Variants in ZNF492 observed in about 807,000 individuals in gnomAD.
ZNF492 encodes the protein zinc finger protein 492, also known as zinc finger protein 115 (Y20).
Under a neutral mutation model 6.4 loss-of-function variants are expected in ZNF492, and 3 were observed. The observed-to-expected ratio is 0.47, with a 90% CI of 0.21 to 1.22. ZNF492 has a LOEUF of 1.22. ZNF492 is among the 50% of genes most tolerant of loss of function. The pLI, the probability that ZNF492 is intolerant of heterozygous loss-of-function variation, is 0.22. For missense variants in ZNF492, 356 were observed against 612.5 expected (o/e 0.58, Z 4.42); for synonymous variants, 112 against 205.3 (o/e 0.55, Z 3.89).
chr19:22,649,627 T>A (rs534032422), intron 1 of ZNF492, among the ~76,000 whole-genome samples: 1 of 152,244 alleles, frequency 6.6e-6, no homozygotes, highest in East Asian at 1.9e-4. Flanking sequence ...TGTTCATTCT[T>A]GTTCATTCTT....
At chr19:22,655,949 C>T (rs4881752) in intron 3 of ZNF492, among the ~76,000 whole-genome samples, 19,372 of 140,668 alleles carry the variant, frequency 0.14, 917 homozygotes, top group South Asian at 0.16. Context: ...CTCTGCCTCC[C>T]GAGTAGCTGG....
chr19:22,662,785 G>T (rs1043585102), intron 3 of ZNF492, among the ~76,000 whole-genome samples: 15 of 151,220 alleles, frequency 9.9e-5, no homozygotes, highest in African/African-American at 3.6e-4. Context: ...GGGGTTGTTA[G>T]TTTTTTTCTT....
rs1972116630 is a variant in ZNF492 at position 22,665,583 on chromosome 19, A to G, written c.*318A>G. The stretch of plus-strand genomic sequence containing the variant: ...GTGCTGAAGAGGATTTATTTTGAAG[A>G]CAAACATTACAAATATAAACGAAGT... On this transcript the variant is annotated 3_prime_UTR_variant, in exon 4 of 4. Coordinates refer to ENST00000456783, the MANE Select transcript of ZNF492 (RefSeq NM_020855.3). The G allele has an allele frequency of 1.8e-5, 5 of 282,792 alleles. No individual in the cohort carries two copies. In the South Asian group the frequency reaches 2.6e-4, roughly 15 times the overall value. The allele number at this position is 282,792 out of a possible 1,614,324, so 17.5% of individuals were successfully genotyped here.
intron 3 of ZNF492, among the ~76,000 whole-genome samples, chr19:22,661,560 TGTG>T (rs944600367): frequency 1.6e-4 from 25 of 152,142 alleles, no homozygotes; most frequent in African/African-American, 5.6e-4. Flanking sequence ...TCTAAAATTT[TGTG>T]TTTAGTTTTT....
At chr19:22,635,102 CT>C (rs1486582805) in intron 1 of ZNF492, among the ~76,000 whole-genome samples, 1 of 151,968 alleles carries the variant, frequency 6.6e-6, no homozygotes, top group Non-Finnish European at 1.5e-5. Flanking sequence ...GTAATCAGAG[CT>C]TACTTGGCAG....
chr19:22,660,283 G>A (rs935546252), intron 3 of ZNF492, among the ~76,000 whole-genome samples: 4 of 151,828 alleles, frequency 2.6e-5, no homozygotes, highest in Non-Finnish European at 5.9e-5. Flanking sequence ...TGATAAAGAC[G>A]GACTGTTACA....
chr19:22,654,051 C>G lies in ZNF492; in HGVS notation c.130+36C>G, dbSNP rs769178068. 11 of 1,494,898 alleles carry G rather than the reference C, an allele frequency of 7.4e-6. No homozygotes were observed. The Admixed American group carries it at 9.4e-5, about 13-fold the overall frequency. The allele number at this position is 1,494,898 out of a possible 1,614,324, so 92.6% of individuals were successfully genotyped here. The stretch of plus-strand genomic sequence containing the variant: ...GTGAAAGTGAATACAACAGATGACA[C>G]AGATGAGAGCTCCAAAGTAGAAAAA... On this transcript the variant is annotated intron_variant, in intron 3 of 3. Transcript: ENST00000456783.
intron 1 of ZNF492, among the ~76,000 whole-genome samples, chr19:22,646,965 C>T (rs1971883555): frequency 6.6e-6 from 1 of 152,094 alleles, no homozygotes; most frequent in South Asian, 2.1e-4. Flanking sequence ...TCTCGGCTCA[C>T]CGCAACCTCC....
chr19:22,660,567 T>C (rs938385687), intron 3 of ZNF492, among the ~76,000 whole-genome samples: 1 of 150,330 alleles, frequency 6.7e-6, no homozygotes, highest in African/African-American at 2.5e-5. Flanking sequence ...TTGCTAATTA[T>C]GTTTTTACAT....
At chr19:22,651,924 G>A (rs1438261623) in intron 1 of ZNF492, among the ~76,000 whole-genome samples, 1 of 152,114 alleles carries the variant, frequency 6.6e-6, no homozygotes, top group African/African-American at 2.4e-5. Context: ...AAAATTTACA[G>A]AACATGGCAG....
At chr19:22,657,579 TAC>T (rs1169128943) in intron 3 of ZNF492, among the ~76,000 whole-genome samples, 1 of 152,066 alleles carries the variant, frequency 6.6e-6, no homozygotes, top group Non-Finnish European at 1.5e-5. Context: ...AGTAAAATAT[TAC>T]AGTTATCTAC....
At chr19:22,649,230 T>A (rs1214789105) in intron 1 of ZNF492, among the ~76,000 whole-genome samples, 1 of 152,216 alleles carries the variant, frequency 6.6e-6, no homozygotes. Flanking sequence ...TCAAAATTCT[T>A]TTCTTTAAGA....
rs186644138 is a variant in ZNF492 at position 22,664,235 on chromosome 19, G to C, written c.566G>C (p.Arg189Thr). ...ACCTCAAACCTTTCTACACATAAAAGAATTCATACTGGAAAGAAACCCTAC... is the reference window on the plus strand; with the variant it reads ...ACCTCAAACCTTTCTACACATAAAACAATTCATACTGGAAAGAAACCCTAC... ...NETSNLSTHK[R>T]IHTGKKPYKC... The change falls in exon 4 of 4, where the codon AGA (arginine) becomes ACA (threonine). Residue 189 changes from arginine to threonine, a missense_variant. By Grantham distance (71) the Arg-to-Thr change is moderately conservative (BLOSUM62 -1). Coordinates refer to ENST00000456783, the MANE Select transcript of ZNF492 (RefSeq NM_020855.3). 859 of 1,611,308 alleles carry C rather than the reference G, an allele frequency of 5.3e-4. 2 individuals are homozygous for C. In the African/African-American group the frequency reaches 7.4e-3, roughly 14 times the overall value.
intron 3 of ZNF492, among the ~76,000 whole-genome samples, chr19:22,658,168 T>G (rs888218685): frequency 6.6e-6 from 1 of 152,096 alleles, no homozygotes; most frequent in African/African-American, 2.4e-5. Context: ...TTCACGTCTG[T>G]AATCCCCGGA....
At chr19:22,649,615 T>TTTGTTCATTC in intron 1 of ZNF492, among the ~76,000 whole-genome samples, 1 of 152,128 alleles carries the variant, frequency 6.6e-6, no homozygotes. Context: ...TCTCGGAGGC[T>TTTGTTCATTC]TTGTTCATTC....
chr19:22,656,858 A>C (rs891800882), intron 3 of ZNF492, among the ~76,000 whole-genome samples: 10 of 152,104 alleles, frequency 6.6e-5, no homozygotes, highest in Non-Finnish European at 1.3e-4. Context: ...CTTTAAGGGC[A>C]CTTATTTTGG....
At chr19:22,648,316 T>C (rs1258243469) in intron 1 of ZNF492, among the ~76,000 whole-genome samples, 1 of 152,192 alleles carries the variant, frequency 6.6e-6, no homozygotes, top group Non-Finnish European at 1.5e-5. Context: ...GAGAGACTGT[T>C]TGTTACCATT....
At chr19:22,658,212 A>G (rs1972016787) in intron 3 of ZNF492, among the ~76,000 whole-genome samples, 3 of 151,992 alleles carry the variant, frequency 2.0e-5, no homozygotes, top group Admixed American at 2.0e-4. Flanking sequence ...ACTGAGCCCA[A>G]AAGCTTGAGA....
chr19:22,636,514 C>CTGTGTGTGTGTGTGTGTG (rs141601969), intron 1 of ZNF492, among the ~76,000 whole-genome samples: 2,371 of 147,150 alleles, frequency 0.016, 16 homozygotes, highest in Non-Finnish European at 0.026. Flanking sequence ...ACATGATCTT[C>CTGTGTGTGTGTGTGTGTG]TGTGTGTGTG....
Sources: allele counts gnomAD v4.1 joint callset (sites outside exome capture counted in the v4.1 genomes callset), GRCh38; gene constraint gnomAD v4.1.1; transcripts MANE v1.5; gene names NCBI Gene and HGNC (gene_info 2026-07-23, HGNC 2026-07-21).